Variants in TASP1 observed in about 807,000 individuals in gnomAD.
TASP1 encodes taspase 1.
In TASP1, 16 loss-of-function variants were observed where a neutral mutation model predicts 56.6. The ratio of observed to expected loss-of-function variants is 0.28; its 90% CI spans 0.19 to 0.43. The LOEUF (loss-of-function observed/expected upper bound fraction) is 0.43. Among genes scored for constraint, TASP1 ranks in the 20% least tolerant of loss-of-function variants. The pLI is 1.00. For missense variants in TASP1, 393 were observed against 511.6 expected (o/e 0.77, Z 2.24); for synonymous variants, 179 against 184.2 (o/e 0.97, Z 0.23).
intron 8 of TASP1, among the ~76,000 whole-genome samples, chr20:13,550,878 ATGT>A (rs1295222062): frequency 3.3e-5 from 5 of 152,118 alleles, no homozygotes; most frequent in Admixed American, 2.0e-4. Context: ...TGAGGAAAAC[ATGT>A]TGTTTTTTGT....
chr20:13,113,634 C>T, the TASP1 span, among the ~76,000 whole-genome samples: 1 of 152,262 alleles, frequency 6.6e-6, no homozygotes, highest in Admixed American at 6.5e-5. Context: ...AGGTTCAAAT[C>T]CTGGCATCAC....
the TASP1 span, among the ~76,000 whole-genome samples, chr20:13,124,736 T>C: frequency 6.6e-6 from 1 of 152,094 alleles, no homozygotes; most frequent in South Asian, 2.1e-4. Flanking sequence ...AGAGAAACTG[T>C]GAATGTTGAA....
chr20:13,447,631 A>T (rs1297077774), intron 11 of TASP1, among the ~76,000 whole-genome samples: 1 of 152,164 alleles, frequency 6.6e-6, no homozygotes, highest in Non-Finnish European at 1.5e-5. Flanking sequence ...TACTAAAGAC[A>T]GCCAAACAGA....
intron 10 of TASP1, among the ~76,000 whole-genome samples, chr20:13,528,191 A>T (rs576900720): frequency 3.8e-4 from 54 of 140,338 alleles, no homozygotes; most frequent in African/African-American, 1.3e-3. Flanking sequence ...CCACTGCTCC[A>T]GCATGGGGAC....
intron 10 of TASP1, among the ~76,000 whole-genome samples, chr20:13,514,766 C>CA (rs376501441): frequency 2.0e-3 from 302 of 152,118 alleles, no homozygotes; most frequent in African/African-American, 6.8e-3. Context: ...ACACAACATA[C>CA]AAATAAGTGT....
At chr20:13,555,112 G>A (rs1011296624) in intron 8 of TASP1, among the ~76,000 whole-genome samples, 26 of 152,018 alleles carry the variant, frequency 1.7e-4, no homozygotes, top group African/African-American at 5.6e-4. Context: ...GGCTGGGCAC[G>A]GTGGCTCATG....
At chr20:13,165,893 A>G in the TASP1 span, 1 of 152,206 alleles carries the variant, frequency 6.6e-6, no homozygotes, top group Non-Finnish European at 1.5e-5. Context: ...CACTTGTTAC[A>G]TGCCCTCTGA....
chr20:13,516,252 T>C (rs2044527492), intron 10 of TASP1, among the ~76,000 whole-genome samples: 1 of 152,126 alleles, frequency 6.6e-6, no homozygotes, highest in Non-Finnish European at 1.5e-5. Flanking sequence ...CACGAAGGCC[T>C]TGAGTCCAGC....
chr20:13,536,161 T>C (rs1428433245), intron 8 of TASP1, among the ~76,000 whole-genome samples: 3 of 152,278 alleles, frequency 2.0e-5, no homozygotes, highest in Non-Finnish European at 4.4e-5. Flanking sequence ...CAGGAGAATT[T>C]GTTTAAATGC....
chr20:13,225,068 T>G, the TASP1 span, among the ~76,000 whole-genome samples: 1 of 151,234 alleles, frequency 6.6e-6, no homozygotes, highest in Non-Finnish European at 1.5e-5. Context: ...TTAGCCAGGA[T>G]GGTCTCACTC....
At chr20:13,350,240 C>A in the TASP1 span, among the ~76,000 whole-genome samples, 1 of 152,092 alleles carries the variant, frequency 6.6e-6, no homozygotes, top group African/African-American at 2.4e-5. Context: ...GAAAGAAGAT[C>A]TAAATAAACG....
chr20:13,512,425 T>C (rs2044369695), intron 10 of TASP1, among the ~76,000 whole-genome samples: 1 of 152,234 alleles, frequency 6.6e-6, no homozygotes, highest in African/African-American at 2.4e-5. Context: ...TGTCTGTTCA[T>C]CTTCTTTGCC....
At chr20:13,611,770 T>C (rs957917164) in intron 4 of TASP1, among the ~76,000 whole-genome samples, 9 of 152,212 alleles carry the variant, frequency 5.9e-5, no homozygotes, top group African/African-American at 1.9e-4. Flanking sequence ...CTCTGGGAGA[T>C]TGTAGCCCTG....
intron 11 of TASP1, among the ~76,000 whole-genome samples, chr20:13,456,120 C>T (rs1233152471): frequency 6.6e-6 from 1 of 152,122 alleles, no homozygotes; most frequent in Non-Finnish European, 1.5e-5. Flanking sequence ...AAAGCAATGG[C>T]TACAAAGAGA....
intron 13 of TASP1, among the ~76,000 whole-genome samples, chr20:13,401,583 A>G (rs1471429728): frequency 6.6e-6 from 1 of 152,226 alleles, no homozygotes; most frequent in Non-Finnish European, 1.5e-5. Flanking sequence ...ATTTATAATC[A>G]TAGAAACCAA....
chr20:13,163,367 CAAAAAAAAAAAA>C, the TASP1 span, among the ~76,000 whole-genome samples: 2 of 90,086 alleles, frequency 2.2e-5, no homozygotes, highest in East Asian at 3.0e-4. Context: ...GACGCTGTCT[CAAAAAAAAAAAA>C]AAAAAAAAAA....
chr20:13,262,892 G>A, the TASP1 span, among the ~76,000 whole-genome samples: 3 of 152,150 alleles, frequency 2.0e-5, no homozygotes, highest in African/African-American at 7.2e-5. Flanking sequence ...TCACTGCCAA[G>A]CCCTAAAGTA....
chr20:13,558,563 G>A (rs2046239845), intron 8 of TASP1, among the ~76,000 whole-genome samples: 1 of 151,866 alleles, frequency 6.6e-6, no homozygotes, highest in African/African-American at 2.4e-5. Context: ...AAGTATACCT[G>A]TAATAACTTG....
At chr20:13,265,042 G>T in the TASP1 span, among the ~76,000 whole-genome samples, 1 of 152,146 alleles carries the variant, frequency 6.6e-6, no homozygotes, top group African/African-American at 2.4e-5. Context: ...AAGACTGTGC[G>T]TTGGGCCCGA....
Sources: allele counts gnomAD v4.1 joint callset (sites outside exome capture counted in the v4.1 genomes callset), GRCh38; gene constraint gnomAD v4.1.1; transcripts MANE v1.5; gene names NCBI Gene and HGNC (gene_info 2026-07-23, HGNC 2026-07-21).